PGRMC2: variants seen among roughly 807,000 people sequenced by gnomAD.
PGRMC2 encodes the protein progesterone receptor membrane component 2.
PGRMC2 carries 9 observed loss-of-function variants against 19.3 expected under a neutral mutation model. That is an observed-to-expected ratio of 0.47 (90% CI 0.28 to 0.81). The LOEUF is 0.81. PGRMC2 is among the 40% of genes least tolerant of loss of function. The pLI, the probability that PGRMC2 is intolerant of heterozygous loss-of-function variation, is 0.11. For missense variants in PGRMC2, 289 were observed against 297.3 expected, an observed-to-expected ratio of 0.97 and a Z score of 0.21; for synonymous variants, 157 against 124.6, an observed-to-expected ratio of 1.26 and a Z score of -1.73.
intron 1 of PGRMC2, among the ~76,000 whole-genome samples, chr4:128,285,099 A>C (rs977623228): frequency 6.6e-6 from 1 of 152,084 alleles, no homozygotes; most frequent in Non-Finnish European, 1.5e-5. Flanking sequence ...ACATACCATA[A>C]AAAAGCAATC....
intron 1 of PGRMC2, among the ~76,000 whole-genome samples, chr4:128,273,554 C>G (rs1760763954): frequency 6.6e-6 from 1 of 151,940 alleles, no homozygotes; most frequent in African/African-American, 2.4e-5. Context: ...CTATTATGAA[C>G]AACAACAACA....
intron 1 of PGRMC2, among the ~76,000 whole-genome samples, chr4:128,282,350 G>A (rs1292514818): frequency 6.6e-6 from 1 of 152,192 alleles, no homozygotes; most frequent in Non-Finnish European, 1.5e-5. Flanking sequence ...ATGTCAGAGT[G>A]TTGAAAAAAC....
At chr4:128,278,242 CAAG>C (rs1561616103) in intron 1 of PGRMC2, among the ~76,000 whole-genome samples, 1 of 152,102 alleles carries the variant, frequency 6.6e-6, no homozygotes, top group Non-Finnish European at 1.5e-5. Context: ...GATAATACTT[CAAG>C]TATTAGGAAA....
chr4:128,286,516 C>CAGA (rs1760985543), intron 1 of PGRMC2, among the ~76,000 whole-genome samples: 1 of 152,116 alleles, frequency 6.6e-6, no homozygotes, highest in Non-Finnish European at 1.5e-5. Flanking sequence ...ATCTACAACT[C>CAGA]TTCTAAGTTT....
At chr4:128,278,124 C>T (rs1419088953) in intron 1 of PGRMC2, among the ~76,000 whole-genome samples, 1 of 152,150 alleles carries the variant, frequency 6.6e-6, no homozygotes. Flanking sequence ...CAGGCCCGTG[C>T]CACTTATGGG....
intron 1 of PGRMC2, among the ~76,000 whole-genome samples, chr4:128,284,623 A>G (rs577457806): frequency 6.6e-6 from 1 of 151,004 alleles, no homozygotes; most frequent in South Asian, 2.1e-4. Context: ...ACTAAAAATA[A>G]ACACATGTTT....
At chr4:128,272,134 G>A (rs544760461) in intron 2 of PGRMC2, among the ~76,000 whole-genome samples, 1 of 152,066 alleles carries the variant, frequency 6.6e-6, no homozygotes, top group Non-Finnish European at 1.5e-5. Flanking sequence ...GTCTCACTAT[G>A]TTGCCCAGGT....
chr4:128,287,634 C>A lies in PGRMC2; in HGVS notation c.157G>T (p.Glu53Ter). 6.6e-7 allele frequency: 1 copy of A among 1,521,842 alleles called. No homozygotes were observed. The highest frequency in any genetic ancestry group is 8.8e-7 in the Non-Finnish European group (1 of 1,136,904). The allele number at this position is 1,521,842 out of a possible 1,614,324, so 94.3% of individuals were successfully genotyped here. Residue 53 changes from glutamate to a stop codon, truncating the protein, a stop_gained, in exon 1 of 3, where the codon GAA becomes TAA. Transcript: ENST00000296425. LOFTEE classifies it high-confidence loss of function. ...AALALLTGGG[E>*]MLLNVALVAL... The stretch of plus-strand genomic sequence containing the variant: ...ACCAGCGCCACGTTCAGCAGCATTT[C>A]CCCGCCCCCCGTCAGAAGCGCCAAC...
chr4:128,282,375 G>A (rs1760921060), intron 1 of PGRMC2, among the ~76,000 whole-genome samples: 1 of 152,116 alleles, frequency 6.6e-6, no homozygotes, highest in Non-Finnish European at 1.5e-5. Context: ...AAAAGAACTT[G>A]AATGGCTAAT....
intron 2 of PGRMC2, among the ~76,000 whole-genome samples, chr4:128,271,749 C>T (rs1191831679): frequency 6.6e-6 from 1 of 152,132 alleles, no homozygotes; most frequent in East Asian, 1.9e-4. Context: ...CCAGCTAAAC[C>T]AGAACAGCTG....
At chr4:128,275,348 TAATA>T (rs1760793526) in intron 1 of PGRMC2, among the ~76,000 whole-genome samples, 1 of 152,154 alleles carries the variant, frequency 6.6e-6, no homozygotes, top group Admixed American at 6.5e-5. Context: ...TTGAGTATAT[TAATA>T]TATACCAGTG....
At position 128,287,763 on chromosome 4, in the gene PGRMC2, G is replaced by A. The variant is rs774109286; in HGVS notation, c.28C>T (p.Leu10=). 8.0e-5 allele frequency: 118 copies of A among 1,477,910 alleles called. No individual in the cohort carries two copies. In the African/African-American group the frequency reaches 1.4e-3, roughly 17 times the overall value. 91.5% of individuals were successfully genotyped at this position (1,477,910 alleles called of 1,614,324 possible). A position where few individuals can be genotyped will look rare whatever the true frequency, so the allele number is the denominator to read the frequency against. ...TCGCTGCCACTCCCCAGGGTGCCTA[G>A]CTTCACGTCCCCATCACCAGCCGCC... The part of the protein sequence containing the change: MAAGDGDVK[L]GTLGSGSESS... The change falls in exon 1 of 3, where the codon CTA becomes TTA. Residue 10 remains leucine, a synonymous_variant. Coordinates refer to ENST00000296425, the MANE Select transcript of PGRMC2 (RefSeq NM_006320.6).
intron 1 of PGRMC2, among the ~76,000 whole-genome samples, chr4:128,286,499 G>T (rs2110566093): frequency 6.6e-6 from 1 of 152,068 alleles, no homozygotes; most frequent in South Asian, 2.1e-4. Context: ...GGCACATGGG[G>T]GTATAAATCT....
intron 1 of PGRMC2, among the ~76,000 whole-genome samples, chr4:128,273,869 C>T (rs1261601171): frequency 1.3e-5 from 2 of 152,178 alleles, no homozygotes; most frequent in Non-Finnish European, 2.9e-5. Context: ...CTGCATGGAA[C>T]TAGAAGTAGC....
rs1421671546 is a variant in PGRMC2, at chr4:128,287,561, C to T, written c.230G>A (p.Arg77Gln). 5.9e-6 allele frequency: 9 copies of T among 1,536,682 alleles called. No homozygotes were observed. Among genetic ancestry groups the T allele is most frequent in the Non-Finnish European group, 7.0e-6 (8 of 1,140,864 alleles). The change falls in exon 1 of 3, where the codon CGG becomes CAG. Residue 77 changes from arginine (R) to glutamine (Q), a missense_variant. Physicochemically the swap from Arg to Gln is conservative, Grantham distance 43. Transcript: ENST00000296425. Reference sequence around the variant, plus strand: ...CCCGGCCCCGGCCCCCAGACCCCGCCGCCCCCAGCGCACCCACAGCCGGTA... The same window carrying T: ...CCCGGCCCCGGCCCCCAGACCCCGCTGCCCCCAGCGCACCCACAGCCGGTA... ...GAYRLWVRWG[R>Q]RGLGAGAGAG...
chr4:128,282,435 C>T (rs1425511521), intron 1 of PGRMC2, among the ~76,000 whole-genome samples: 2 of 152,204 alleles, frequency 1.3e-5, no homozygotes, highest in African/African-American at 4.8e-5. Flanking sequence ...ATAACAGCTT[C>T]TGGTTTCAAG....
chr4:128,285,947 C>CAAG (rs72533047), intron 1 of PGRMC2, among the ~76,000 whole-genome samples: 1,550 of 152,128 alleles, frequency 0.01, 35 homozygotes, highest in East Asian at 0.084. Flanking sequence ...TATATATACA[C>CAAG]AGAAGTACAA....
chr4:128,284,133 C>T (rs1482198679), intron 1 of PGRMC2, among the ~76,000 whole-genome samples: 1 of 151,966 alleles, frequency 6.6e-6, no homozygotes, highest in African/African-American at 2.4e-5. Flanking sequence ...TTTTTTGAGG[C>T]TTTAAATCCT....
intron 1 of PGRMC2, among the ~76,000 whole-genome samples, chr4:128,285,714 A>C: frequency 6.6e-6 from 1 of 152,232 alleles, no homozygotes; most frequent in Non-Finnish European, 1.5e-5. Context: ...TGAACTAGGT[A>C]TAAAATGCTG....
Sources: gnomAD v4.1 joint callset for allele counts (sites outside exome capture counted in the v4.1 genomes callset) on GRCh38, gnomAD v4.1.1 for gene constraint, MANE v1.5 for transcripts, NCBI Gene and HGNC (gene_info 2026-07-23, HGNC 2026-07-21) for gene names.